The following TACR3 variants were observed in gnomAD, a reference collection of about 807,000 sequenced individuals.
TACR3 encodes the protein tachykinin receptor 3.
Under a neutral mutation model 35.0 loss-of-function variants are expected in TACR3, and 34 were observed. That is an observed-to-expected ratio of 0.97 (90% CI 0.74 to 1.30). The LOEUF (loss-of-function observed/expected upper bound fraction) is 1.30. Ranked by LOEUF, TACR3 falls within the 50% of genes most tolerant of loss-of-function variation. TACR3 has a pLI of 0.00. For missense variants in TACR3, 558 were observed against 591.7 expected (o/e 0.94, Z 0.59); for synonymous variants, 233 against 221.1 (o/e 1.05, Z -0.48).
rs114782961 is a variant in TACR3 at position 103,685,763 on chromosome 4, A to C, written c.549-27360T>G. Among the ~76,000 whole-genome samples the C allele has an allele frequency of 2.8e-3, 422 of 152,300 alleles. 2 individuals are homozygous for C. The highest frequency in any genetic ancestry group is 9.7e-3 in the African/African-American group (405 of 41,568). On this transcript the variant is annotated intron_variant, in intron 1 of 4. Coordinates refer to ENST00000304883, the MANE Select transcript of TACR3 (RefSeq NM_001059.3). ...AAAATTAACTATTGAAAGTCTCTGA[A>C]AATTAAACAAAGGCCATATAAGTTA...
intron 3 of TACR3, among the ~76,000 whole-genome samples, chr4:103,592,037 A>G (rs1723909130): frequency 6.6e-6 from 1 of 152,148 alleles, no homozygotes; most frequent in African/African-American, 2.4e-5. Flanking sequence ...GCATTGTACG[A>G]TAGTGGAGAT....
At chr4:103,668,058 C>A (rs891154275) in intron 1 of TACR3, among the ~76,000 whole-genome samples, 2 of 152,130 alleles carry the variant, frequency 1.3e-5, no homozygotes, top group Non-Finnish European at 2.9e-5. Context: ...TCTTGAAATC[C>A]TGAGTTCAAG....
At chr4:103,620,066 T>C (rs1724742251) in intron 3 of TACR3, among the ~76,000 whole-genome samples, 1 of 152,106 alleles carries the variant, frequency 6.6e-6, no homozygotes, top group Non-Finnish European at 1.5e-5. Context: ...AAAAAAACCT[T>C]ATTTTAAAAA....
intron 1 of TACR3, among the ~76,000 whole-genome samples, chr4:103,694,660 C>T (rs1722483583): frequency 6.6e-6 from 1 of 152,076 alleles, no homozygotes; most frequent in African/African-American, 2.4e-5. Context: ...GACAACCTTG[C>T]TTTTGATTAT....
At position 103,598,383 on chromosome 4, in the gene TACR3, C is replaced by G. The variant is rs1242643271; in HGVS notation, c.889-6700G>C. On this transcript the variant is annotated intron_variant, in intron 3 of 4. Coordinates refer to ENST00000304883, the MANE Select transcript of TACR3 (RefSeq NM_001059.3). ...TTGTCAGATAAGTAGGTTGCAAAAA[C>G]TTTCTCCCATTCTGTAGGTTGCCTG... 2.6e-5 allele frequency among the ~76,000 whole-genome samples: 4 copies of G among 152,086 alleles called. No individual in the cohort carries two copies. The East Asian group carries it at 7.7e-4, about 29-fold the overall frequency.
intron 1 of TACR3, among the ~76,000 whole-genome samples, chr4:103,688,655 C>T (rs1326829821): frequency 3.3e-5 from 5 of 150,330 alleles, no homozygotes; most frequent in Middle Eastern, 3.4e-3. Context: ...AAAATGCTCA[C>T]CATCACTGGC....
chr4:103,609,372 A>C (rs1724464316), intron 3 of TACR3, among the ~76,000 whole-genome samples: 1 of 152,126 alleles, frequency 6.6e-6, no homozygotes, highest in South Asian at 2.1e-4. Context: ...GTCTTCCCTC[A>C]ATATCAGCAA....
intron 3 of TACR3, among the ~76,000 whole-genome samples, chr4:103,621,224 G>A (rs1724772141): frequency 6.6e-6 from 1 of 152,156 alleles, no homozygotes; most frequent in South Asian, 2.1e-4. Context: ...GCAGGGACGA[G>A]TCTTCTGATC....
At chr4:103,712,906 A>T (rs1359447160) in intron 1 of TACR3, among the ~76,000 whole-genome samples, 1 of 152,254 alleles carries the variant, frequency 6.6e-6, no homozygotes, top group Non-Finnish European at 1.5e-5. Context: ...AGAGAAATGC[A>T]AATCAAAACC....
intron 3 of TACR3, among the ~76,000 whole-genome samples, chr4:103,654,339 C>T (rs1196056424): frequency 6.6e-6 from 1 of 151,686 alleles, no homozygotes; most frequent in African/African-American, 2.4e-5. Flanking sequence ...AACTGTGGCA[C>T]ATATACACCA....
At chr4:103,708,759 A>G (rs553805843) in intron 1 of TACR3, among the ~76,000 whole-genome samples, 2 of 152,316 alleles carry the variant, frequency 1.3e-5, no homozygotes, top group South Asian at 4.1e-4. Flanking sequence ...AAACCTTGAG[A>G]AAAGATTAGA....
Position 103,591,664 on chromosome 4 carries a change from A to G in TACR3, c.908T>C (p.Ile303Thr). The change falls in exon 4 of 5, where the codon ATT (isoleucine) becomes ACT (threonine). Residue 303 changes from isoleucine to threonine, a missense_variant. Transcript: ENST00000304883. ...AKRKVVKMMIIVVMTFAICWL... is the reference protein window; with the variant it reads ...AKRKVVKMMITVVMTFAICWL... ...GCAGATAGCAAATGTCATGACAACA[A>G]TAATCATCATTTTGACAACCTATAA... 1 of 1,613,158 alleles carries G rather than the reference A, an allele frequency of 6.2e-7. No homozygotes were observed. The highest frequency in any genetic ancestry group is 8.5e-7 in the Non-Finnish European group (1 of 1,179,656).
rs952935598 is a variant in TACR3, at chr4:103,698,253, T to G, written c.548+20875A>C. Among the ~76,000 whole-genome samples the G allele has an allele frequency of 2.8e-4, 42 of 152,130 alleles. 3 individuals are homozygous for G. Reference sequence around the variant, plus strand: ...TTTATTTTGAAGGTATAAAAGTCAATACACATGGTACTATGACTTTTAAAA... The same window carrying G: ...TTTATTTTGAAGGTATAAAAGTCAAGACACATGGTACTATGACTTTTAAAA... On this transcript the variant is annotated intron_variant, in intron 1 of 4. Coordinates refer to ENST00000304883, the MANE Select transcript of TACR3 (RefSeq NM_001059.3).
intron 1 of TACR3, among the ~76,000 whole-genome samples, chr4:103,696,580 T>G (rs1722524595): frequency 1.3e-5 from 2 of 152,302 alleles, no homozygotes; most frequent in Non-Finnish European, 2.9e-5. Context: ...TTTTATCCTT[T>G]GCACTTTCAA....
intron 1 of TACR3, among the ~76,000 whole-genome samples, chr4:103,710,373 GCA>G (rs1560541109): frequency 3.3e-5 from 5 of 151,994 alleles, no homozygotes; most frequent in African/African-American, 9.6e-5. Context: ...CTGCTCAAGT[GCA>G]TGGAAACTGA....
chr4:103,687,269 G>A (rs1393361583), intron 1 of TACR3, among the ~76,000 whole-genome samples: 1 of 152,098 alleles, frequency 6.6e-6, no homozygotes, highest in African/African-American at 2.4e-5. Context: ...AGCTATCTAT[G>A]ACAAATCCAC....
At chr4:103,654,874 T>C (rs1286856455) in intron 3 of TACR3, among the ~76,000 whole-genome samples, 1 of 152,094 alleles carries the variant, frequency 6.6e-6, no homozygotes, top group Non-Finnish European at 1.5e-5. Flanking sequence ...AGATGTTATA[T>C]AAGGCGGGTT....
intron 3 of TACR3, among the ~76,000 whole-genome samples, chr4:103,605,086 C>CTT (rs368066887): frequency 7.4e-5 from 11 of 149,020 alleles, no homozygotes; most frequent in African/African-American, 2.2e-4. Context: ...TGGTGTTTGG[C>CTT]TTTTTTTTGC....
rs1477372233 is a variant in TACR3, at chr4:103,588,570, G to A, written c.*1112C>T. ...AGAAAAGGTCTTTCTGTGGAAGGAT[G>A]TGTGTTAAACTCACCCTCTTGCTCA... On this transcript the variant is annotated 3_prime_UTR_variant, in exon 5 of 5. Transcript: ENST00000304883. 2 of 152,062 alleles carry A rather than the reference G, an allele frequency of 1.3e-5. No individual in the cohort carries two copies. Among genetic ancestry groups the A allele is most frequent in the Non-Finnish European group, 2.9e-5 (2 of 67,980 alleles). 9.4% of individuals were successfully genotyped at this position (152,062 alleles called of 1,614,324 possible). A position where few individuals can be genotyped will look rare whatever the true frequency, so the allele number is the denominator to read the frequency against.
Sources: allele counts gnomAD v4.1 joint callset (sites outside exome capture counted in the v4.1 genomes callset), GRCh38; gene constraint gnomAD v4.1.1; transcripts MANE v1.5; gene names NCBI Gene and HGNC (gene_info 2026-07-23, HGNC 2026-07-21).